SH3RF3: variants seen among roughly 807,000 people sequenced by gnomAD.
SH3RF3 encodes E3 ubiquitin-protein ligase SH3RF3.
Under a neutral mutation model 66.3 loss-of-function variants are expected in SH3RF3, and 29 were observed. The observed-to-expected ratio is 0.44, with a 90% CI of 0.33 to 0.60. The LOEUF (loss-of-function observed/expected upper bound fraction) is 0.60, where lower values mean the gene tolerates loss of function less well. SH3RF3 is among the 20% of genes least tolerant of loss of function. The probability of loss-of-function intolerance (pLI) is 0.04; values close to 1 mark genes in which losing one functional copy is unlikely to be tolerated. For synonymous variants in SH3RF3, 583 were observed against 532.0 expected (o/e 1.10, Z -1.32); for missense variants, 1,194 against 1,190.9 (o/e 1.00, Z -0.04).
At chr2:109,384,305 A>G (rs1280799297) in intron 3 of SH3RF3, among the ~76,000 whole-genome samples, 3 of 151,950 alleles carry the variant, frequency 2.0e-5, no homozygotes, top group East Asian at 3.9e-4. Context: ...AGGGGATTCT[A>G]CTCTCCGTGG....
At chr2:109,216,733 A>G (rs989457145) in intron 1 of SH3RF3, among the ~76,000 whole-genome samples, 2 of 152,244 alleles carry the variant, frequency 1.3e-5, no homozygotes, top group Non-Finnish European at 2.9e-5. Flanking sequence ...ATCATTTGCT[A>G]GGACCTGATT....
chr2:109,134,356 C>T (rs1461568123), intron 1 of SH3RF3, among the ~76,000 whole-genome samples: 1 of 152,248 alleles, frequency 6.6e-6, no homozygotes, highest in East Asian at 1.9e-4. Context: ...GGGGGCCTCA[C>T]CAAAAACCAG....
At chr2:109,393,407 G>A (rs1364392193) in intron 3 of SH3RF3, among the ~76,000 whole-genome samples, 1 of 152,320 alleles carries the variant, frequency 6.6e-6, no homozygotes, top group East Asian at 1.9e-4. Flanking sequence ...GCAGAAACTT[G>A]GCAACAGCCC....
chr2:109,331,193 C>T (rs1312213555), intron 1 of SH3RF3, among the ~76,000 whole-genome samples: 6 of 152,104 alleles, frequency 3.9e-5, no homozygotes, highest in Non-Finnish European at 1.5e-5. Flanking sequence ...TGGGGAATGC[C>T]GGGTGTCTTA....
rs569770568 is a variant in SH3RF3, at chr2:109,239,795, G to T, written c.574-107879G>T. 1.1e-4 allele frequency among the ~76,000 whole-genome samples: 17 copies of T among 152,314 alleles called. No homozygotes were observed. The South Asian group carries it at 3.1e-3, about 28-fold the overall frequency. On this transcript the variant is annotated intron_variant, in intron 1 of 9. Coordinates refer to ENST00000309415, the MANE Select transcript of SH3RF3 (RefSeq NM_001099289.3). ...TGGGAGTCCCTTGTCTTTGGGAGGG[G>T]TGTTTCACGGCCACCTGCCTTTCAT...
intron 9 of SH3RF3, among the ~76,000 whole-genome samples, chr2:109,497,751 G>A (rs1223536098): frequency 1.3e-5 from 2 of 152,198 alleles, no homozygotes; most frequent in Non-Finnish European, 2.9e-5. Context: ...ATCCATCTGG[G>A]CTCATTAAAT....
At chr2:109,478,295 C>G (rs921761198) in intron 8 of SH3RF3, among the ~76,000 whole-genome samples, 2 of 152,222 alleles carry the variant, frequency 1.3e-5, no homozygotes, top group African/African-American at 2.4e-5. Flanking sequence ...TACATTCAAA[C>G]TTGCACTGTT....
intron 1 of SH3RF3, among the ~76,000 whole-genome samples, chr2:109,318,708 C>T (rs1389086455): frequency 6.6e-6 from 1 of 152,254 alleles, no homozygotes; most frequent in East Asian, 1.9e-4. Context: ...GGCCAGAATC[C>T]GGGGCTGCCC....
intron 8 of SH3RF3, among the ~76,000 whole-genome samples, chr2:109,480,422 G>A (rs1300153600): frequency 6.6e-6 from 1 of 152,186 alleles, no homozygotes; most frequent in Non-Finnish European, 1.5e-5. Context: ...AGCTAAGATG[G>A]CCATGAGGCT....
chr2:109,166,445 C>G (rs984686829), intron 1 of SH3RF3, among the ~76,000 whole-genome samples: 1 of 139,264 alleles, frequency 7.2e-6, no homozygotes, highest in Non-Finnish European at 1.5e-5. Context: ...CCACTGTACT[C>G]CAGCCTGGTG....
intron 1 of SH3RF3, among the ~76,000 whole-genome samples, chr2:109,314,116 C>A (rs1011285590): frequency 2.0e-5 from 3 of 152,050 alleles, no homozygotes; most frequent in Non-Finnish European, 4.4e-5. Flanking sequence ...TAGCGGAAAG[C>A]AGCAGGCCTG....
chr2:109,256,228 TG>T (rs1276187267), intron 1 of SH3RF3, among the ~76,000 whole-genome samples: 1 of 152,190 alleles, frequency 6.6e-6, no homozygotes, highest in Admixed American at 6.5e-5. Flanking sequence ...ACCCCACAGT[TG>T]GAGAGCCTGC....
chr2:109,235,293 T>G (rs1679620071), intron 1 of SH3RF3, among the ~76,000 whole-genome samples: 1 of 152,204 alleles, frequency 6.6e-6, no homozygotes, highest in Admixed American at 6.5e-5. Context: ...CTGCAAGGTC[T>G]TTCTTCTCCC....
intron 1 of SH3RF3, among the ~76,000 whole-genome samples, chr2:109,250,888 A>G (rs17035252): frequency 0.064 from 9,729 of 152,210 alleles, 558 homozygotes; most frequent in East Asian, 0.32. Context: ...CCTGGAGTAA[A>G]TCCAAAAAAG....
At chr2:109,143,071 C>G (rs1055850847) in intron 1 of SH3RF3, among the ~76,000 whole-genome samples, 1 of 152,076 alleles carries the variant, frequency 6.6e-6, no homozygotes. Context: ...TCCCTGAGCC[C>G]GGGAACCCAG....
At chr2:109,210,960 G>A (rs372989319) in intron 1 of SH3RF3, among the ~76,000 whole-genome samples, 18 of 152,340 alleles carry the variant, frequency 1.2e-4, no homozygotes, top group African/African-American at 4.1e-4. Context: ...AGTGGGCTGG[G>A]TTTGGGGATG....
intron 8 of SH3RF3, among the ~76,000 whole-genome samples, chr2:109,454,446 G>A (rs1425692033): frequency 2.6e-5 from 4 of 152,154 alleles, no homozygotes; most frequent in African/African-American, 7.2e-5. Flanking sequence ...GGCCATGAGT[G>A]GTGCTCCTTG....
chr2:109,175,248 C>T (rs895528135), intron 1 of SH3RF3, among the ~76,000 whole-genome samples: 1 of 152,170 alleles, frequency 6.6e-6, no homozygotes, highest in African/African-American at 2.4e-5. Context: ...TTTTCCTTGC[C>T]TGGCACTTGT....
chr2:109,350,787 G>A (rs570175659), intron 2 of SH3RF3, among the ~76,000 whole-genome samples: 8 of 152,356 alleles, frequency 5.3e-5, no homozygotes, highest in African/African-American at 1.2e-4. Context: ...GTGCTGCAGC[G>A]TAGGTGCTGG....
Sources: allele counts gnomAD v4.1 joint callset (sites outside exome capture counted in the v4.1 genomes callset), GRCh38; gene constraint gnomAD v4.1.1; transcripts MANE v1.5; gene names NCBI Gene and HGNC (gene_info 2026-07-23, HGNC 2026-07-21).